Variants in SUGCT observed in about 807,000 individuals in gnomAD.
SUGCT encodes succinyl-CoA:glutarate CoA-transferase.
In SUGCT, 41 loss-of-function variants were observed where a neutral mutation model predicts 55.0. The observed-to-expected ratio is 0.74, with a 90% CI of 0.58 to 0.97. The LOEUF (loss-of-function observed/expected upper bound fraction) is 0.97. Among genes scored for constraint, SUGCT ranks in the 50% least tolerant of loss-of-function variants. SUGCT has a pLI of 0.00. For missense variants in SUGCT, 568 were observed against 547.8 expected (o/e 1.04, Z -0.37); for synonymous variants, 187 against 200.4 (o/e 0.93, Z 0.56).
At chr7:40,143,717 G>A (rs189198575) in intron 1 of SUGCT, among the ~76,000 whole-genome samples, 258 of 152,340 alleles carry the variant, frequency 1.7e-3, no homozygotes, top group Non-Finnish European at 2.8e-3. Context: ...AGATGGAGGA[G>A]TGGCAATTGT....
intron 12 of SUGCT, among the ~76,000 whole-genome samples, chr7:40,627,393 A>G (rs535726738): frequency 1.3e-5 from 2 of 152,298 alleles, no homozygotes; most frequent in South Asian, 2.1e-4. Flanking sequence ...GTGGCCCACA[A>G]TCAGTCTGAT....
the SUGCT span, among the ~76,000 whole-genome samples, chr7:40,902,393 T>A: frequency 6.6e-6 from 1 of 151,866 alleles, no homozygotes; most frequent in Non-Finnish European, 1.5e-5. Flanking sequence ...TCCTGGCTAA[T>A]ATGGTGAAAC....
chr7:40,417,135 C>T (rs1433055882), intron 9 of SUGCT, among the ~76,000 whole-genome samples: 1 of 151,726 alleles, frequency 6.6e-6, no homozygotes. Flanking sequence ...CTCTTTTCTC[C>T]TTATCAGACC....
chr7:40,205,679 G>C (rs1178614303), intron 6 of SUGCT, among the ~76,000 whole-genome samples: 2 of 145,810 alleles, frequency 1.4e-5, no homozygotes, highest in Non-Finnish European at 3.0e-5. Context: ...TGACAAAATT[G>C]TTCATCTTAG....
chr7:41,012,466 A>G, the SUGCT span, among the ~76,000 whole-genome samples: 1 of 152,206 alleles, frequency 6.6e-6, no homozygotes, highest in African/African-American at 2.4e-5. Flanking sequence ...AGGAACAATA[A>G]TAGCAGCTGC....
intron 1 of SUGCT, among the ~76,000 whole-genome samples, chr7:40,157,911 A>T (rs1273122227): frequency 3.3e-5 from 5 of 152,200 alleles, no homozygotes; most frequent in Admixed American, 1.3e-4. Flanking sequence ...TGCTTCATTA[A>T]AATGTGGTAT....
At chr7:40,788,273 A>C (rs2128743168) in intron 13 of SUGCT, among the ~76,000 whole-genome samples, 1 of 152,328 alleles carries the variant, frequency 6.6e-6, no homozygotes, top group East Asian at 1.9e-4. Context: ...GCTTCCTAAG[A>C]CAGAAGATTG....
chr7:40,881,126 T>C, the SUGCT span, among the ~76,000 whole-genome samples: 5 of 152,250 alleles, frequency 3.3e-5, no homozygotes, highest in African/African-American at 4.8e-5. Flanking sequence ...AGCTTGCCAC[T>C]GTCCTCATGT....
chr7:40,650,079 C>T (rs1800700751), intron 12 of SUGCT, among the ~76,000 whole-genome samples: 1 of 152,168 alleles, frequency 6.6e-6, no homozygotes, highest in African/African-American at 2.4e-5. Context: ...AATCAGGGTT[C>T]ATTTCCTCAT....
chr7:40,156,830 C>A (rs1219673946), intron 1 of SUGCT, among the ~76,000 whole-genome samples: 2 of 151,966 alleles, frequency 1.3e-5, no homozygotes, highest in Non-Finnish European at 2.9e-5. Flanking sequence ...GCCTGGCCAA[C>A]GTGGTGAAAC....
chr7:40,899,448 C>T, the SUGCT span, among the ~76,000 whole-genome samples: 2 of 152,206 alleles, frequency 1.3e-5, no homozygotes, highest in African/African-American at 2.4e-5. Context: ...CCATTTACCT[C>T]TGTGAAGCAT....
intron 7 of SUGCT, among the ~76,000 whole-genome samples, chr7:40,242,944 T>A (rs1219798330): frequency 9.4e-4 from 76 of 80,878 alleles, no homozygotes; most frequent in Non-Finnish European, 1.6e-3. Flanking sequence ...TTTTTTTTTT[T>A]TTTTTTTTTT....
the SUGCT span, among the ~76,000 whole-genome samples, chr7:40,932,702 C>A: frequency 1.3e-5 from 2 of 149,656 alleles, no homozygotes; most frequent in African/African-American, 4.9e-5. Context: ...CTCTTTTGAT[C>A]TTTGTTGGTT....
At chr7:40,207,754 C>T (rs1308672371) in intron 6 of SUGCT, among the ~76,000 whole-genome samples, 1 of 151,724 alleles carries the variant, frequency 6.6e-6, no homozygotes, top group Non-Finnish European at 1.5e-5. Flanking sequence ...GAGGCAGAGA[C>T]TGCAGTGAGC....
intron 13 of SUGCT, among the ~76,000 whole-genome samples, chr7:40,790,294 C>G (rs1318200191): frequency 1.3e-5 from 2 of 152,108 alleles, no homozygotes; most frequent in African/African-American, 2.4e-5. Context: ...TGGCACTTCT[C>G]CTTGCTGCTG....
intron 1 of SUGCT, among the ~76,000 whole-genome samples, chr7:40,147,257 G>A (rs1041765719): frequency 6.6e-6 from 1 of 151,704 alleles, no homozygotes; most frequent in South Asian, 2.1e-4. Context: ...TACTACTGGA[G>A]GTTTGTGTGA....
chr7:40,918,640 CTGAG>C, the SUGCT span, among the ~76,000 whole-genome samples: 1 of 152,066 alleles, frequency 6.6e-6, no homozygotes, highest in Non-Finnish European at 1.5e-5. Context: ...ATGGAACCCA[CTGAG>C]TGAGACCAGA....
At chr7:40,325,966 A>G (rs1796011781) in intron 9 of SUGCT, among the ~76,000 whole-genome samples, 1 of 148,250 alleles carries the variant, frequency 6.7e-6, no homozygotes, top group Admixed American at 6.8e-5. Context: ...CTCTTTAACA[A>G]ATGTCAAGTT....
rs116873145 is a variant in SUGCT, at chr7:40,393,217, C to A, written c.817-56070C>A. ...CTAGGTTCATTGAAGAATGGGAAACCCACAGAAGACACAGAACAGGAATAA... is the reference window on the plus strand; with the variant it reads ...CTAGGTTCATTGAAGAATGGGAAACACACAGAAGACACAGAACAGGAATAA... On this transcript the variant is annotated intron_variant, in intron 9 of 13. Coordinates refer to ENST00000335693, the MANE Select transcript of SUGCT (RefSeq NM_001193313.2). 1.1e-3 allele frequency among the ~76,000 whole-genome samples: 168 copies of A among 152,070 alleles called. 2 individuals are homozygous for A. In the East Asian group the frequency reaches 0.03, roughly 28 times the overall value.
Sources: gnomAD v4.1 joint callset for allele counts (sites outside exome capture counted in the v4.1 genomes callset) on GRCh38, gnomAD v4.1.1 for gene constraint, MANE v1.5 for transcripts, NCBI Gene and HGNC (gene_info 2026-07-23, HGNC 2026-07-21) for gene names.